Variants in KIF3B observed in about 807,000 individuals in gnomAD.
KIF3B encodes kinesin family member 3B, also known as kinesin-like protein KIF3B.
KIF3B carries 38 observed loss-of-function variants against 74.3 expected under a neutral mutation model. The ratio of observed to expected loss-of-function variants is 0.51; its 90% CI spans 0.39 to 0.67. KIF3B has a LOEUF of 0.67. Among genes scored for constraint, KIF3B ranks in the 30% least tolerant of loss-of-function variants. The probability of loss-of-function intolerance (pLI) is 0.00; values close to 1 mark genes in which losing one functional copy is unlikely to be tolerated. For synonymous variants in KIF3B, 326 were observed against 342.5 expected (o/e 0.95, Z 0.53); for missense variants, 649 against 932.0 (o/e 0.70, Z 3.95).
intron 7 of KIF3B, among the ~76,000 whole-genome samples, 160 bp downstream of exon 7, chr20:32,327,821 C>T (rs546291215): frequency 2.8e-4 from 42 of 152,182 alleles, no homozygotes; most frequent in African/African-American, 9.6e-4. Flanking sequence ...ATAAATAAGC[C>T]GAGCACAGTA....
chr20:32,287,015 T>C (rs986350266), intron 1 of KIF3B, among the ~76,000 whole-genome samples: 4 of 152,222 alleles, frequency 2.6e-5, no homozygotes, highest in Non-Finnish European at 1.5e-5. Flanking sequence ...AATTTACCCA[T>C]GGTGATGGTA....
rs2047933013 is a variant in KIF3B at position 32,332,045 on chromosome 20, A to G, written c.*726A>G. The stretch of plus-strand genomic sequence containing the variant: ...GGGAAATAGCTTCTTTAAAACCTCA[A>G]AACCATGACCATCCTGTCAAAGACC... On this transcript the variant is annotated 3_prime_UTR_variant, in exon 9 of 9. Transcript: ENST00000375712. The G allele has an allele frequency of 6.5e-6, 1 of 152,706 alleles. No individual in the cohort carries two copies. The highest frequency in any genetic ancestry group is 2.1e-4 in the South Asian group (1 of 4,832). 9.5% of individuals were successfully genotyped at this position (152,706 alleles called of 1,614,324 possible).
chr20:32,293,261 G>C (rs1217004278), intron 1 of KIF3B, among the ~76,000 whole-genome samples: 2 of 150,820 alleles, frequency 1.3e-5, no homozygotes, highest in African/African-American at 4.9e-5. Flanking sequence ...AAATAAATGA[G>C]TGAATGAATG....
At chr20:32,315,397 T>G (rs1216527139) in intron 2 of KIF3B, among the ~76,000 whole-genome samples, 2 of 152,198 alleles carry the variant, frequency 1.3e-5, no homozygotes, top group African/African-American at 4.8e-5. Flanking sequence ...AAGCTTTCTC[T>G]GACTCCCTCT....
chr20:32,310,409 A>G lies in KIF3B; in HGVS notation c.632A>G (p.His211Arg). ...RSVGATNMNE[H>R]SSRSHAIFVI... ...GTCGGTGCTACCAACATGAACGAGC[A>G]CAGCTCGCGTTCTCATGCAATTTTC... The change falls in exon 2 of 9, where the codon CAC becomes CGC. Residue 211 changes from histidine (H) to arginine (R), a missense_variant. His to Arg is a conservative substitution (Grantham distance 29). Around this residue, in one of 4 missense-constraint regions of KIF3B, gnomAD observed 363 missense variants for 592.8 expected, o/e 0.61. Coordinates refer to ENST00000375712, the MANE Select transcript of KIF3B (RefSeq NM_004798.4). This position sits in a 1 kb window ranked among gnomAD's most constrained non-coding sequence, Gnocchi z 6.5. 6.2e-7 allele frequency: 1 copy of G among 1,614,220 alleles called. No homozygotes were observed. The highest frequency in any genetic ancestry group is 8.5e-7 in the Non-Finnish European group (1 of 1,180,034).
chr20:32,326,817 A>T lies in KIF3B; in HGVS notation c.1795A>T (p.Ile599Phe). 1 of 1,592,754 alleles carries T rather than the reference A, an allele frequency of 6.3e-7. No individual in the cohort carries two copies. The change falls in exon 6 of 9, where the codon ATT becomes TTT. Residue 599 changes from isoleucine (I) to phenylalanine (F), a missense_variant. Physicochemically the swap from Ile to Phe is conservative, Grantham distance 21 (BLOSUM62 0). Coordinates refer to ENST00000375712, the MANE Select transcript of KIF3B (RefSeq NM_004798.4). ...NFIPLEEKSKIMNRAFFDEEE... is the reference protein window; with the variant it reads ...NFIPLEEKSKFMNRAFFDEEE... ...TATCCCTCTGGAAGAAAAAAGTAAA[A>T]TTATGAATAGAGCCTTCTTTGATGA...
chr20:32,314,577 T>G (rs941499437), intron 2 of KIF3B, among the ~76,000 whole-genome samples: 2 of 151,402 alleles, frequency 1.3e-5, no homozygotes, highest in Non-Finnish European at 2.9e-5. Context: ...TTAGGTATTG[T>G]TAGGTATGTA....
rs560381750 is a variant in KIF3B at position 32,277,763 on chromosome 20, C to T, written c.-68C>T. On this transcript the variant is annotated splice_region_variant and 5_prime_UTR_variant, in exon 1 of 9. Transcript: ENST00000375712. ...CGCCGCCCGCTTTCGGCTCGGGCCTCAGGTGAGTCGGAGGGGCCGGGCGCC... is the reference window on the plus strand; with the variant it reads ...CGCCGCCCGCTTTCGGCTCGGGCCTTAGGTGAGTCGGAGGGGCCGGGCGCC... 23 of 246,430 alleles carry T rather than the reference C, an allele frequency of 9.3e-5. No homozygotes were observed. In the South Asian group the frequency reaches 3.0e-3, roughly 33 times the overall value. The allele number at this position is 246,430 out of a possible 1,614,324, so 15.3% of individuals were successfully genotyped here.
In KIF3B at chr20:32,309,698, T is replaced by C. The variant is rs1263470282; in HGVS notation, c.-65-15T>C. ...ACAACGGTACTGTGCTTATTTACTT[T>C]TGCTTTTTCTCTAGGACCGTAGCAT... On this transcript the variant is annotated splice_polypyrimidine_tract_variant and intron_variant, in intron 1 of 8. Transcript: ENST00000375712. 2.0e-6 allele frequency: 3 copies of C among 1,498,104 alleles called. No homozygotes were observed. The highest frequency in any genetic ancestry group is 2.7e-6 in the Non-Finnish European group (3 of 1,114,504). 92.8% of individuals were successfully genotyped at this position (1,498,104 alleles called of 1,614,324 possible).
chr20:32,319,083 C>T (rs1439137519), intron 5 of KIF3B, among the ~76,000 whole-genome samples: 1 of 151,938 alleles, frequency 6.6e-6, no homozygotes, highest in Admixed American at 6.6e-5. Context: ...ACCTCAACCT[C>T]TGGAATAGCT....
At chr20:32,290,684 A>G (rs1292466529) in intron 1 of KIF3B, among the ~76,000 whole-genome samples, 1 of 152,152 alleles carries the variant, frequency 6.6e-6, no homozygotes, top group Non-Finnish European at 1.5e-5. Flanking sequence ...CAGCCTGGGC[A>G]ATATAGTGAG....
chr20:32,332,978 T>C lies in KIF3B; in HGVS notation c.*1659T>C, dbSNP rs921517891. 1.3e-5 allele frequency: 2 copies of C among 152,638 alleles called. No homozygotes were observed. The highest frequency in any genetic ancestry group is 4.8e-5 in the African/African-American group (2 of 41,434). The allele number at this position is 152,638 out of a possible 1,614,324, so 9.5% of individuals were successfully genotyped here. The stretch of plus-strand genomic sequence containing the variant: ...GCCTTGAGTTATATTTTAACTCAGC[T>C]GCTCAGTTCCCAGGGCACATTTCTG... On this transcript the variant is annotated 3_prime_UTR_variant, in exon 9 of 9. Coordinates refer to ENST00000375712, the MANE Select transcript of KIF3B (RefSeq NM_004798.4).
At position 32,332,127 on chromosome 20, in the gene KIF3B, C is replaced by T. The variant is rs1307595189; in HGVS notation, c.*808C>T. 6.5e-6 allele frequency: 1 copy of T among 152,696 alleles called. No individual in the cohort carries two copies. Among genetic ancestry groups the T allele is most frequent in the Non-Finnish European group, 1.5e-5 (1 of 68,098 alleles). 9.5% of individuals were successfully genotyped at this position (152,696 alleles called of 1,614,324 possible). A position where few individuals can be genotyped will look rare whatever the true frequency, so the allele number is the denominator to read the frequency against. The stretch of plus-strand genomic sequence containing the variant: ...CCATGTCACTTTACTCTTCATTTGT[C>T]ACCATCTTTTCCCATGCACGCATAC... On this transcript the variant is annotated 3_prime_UTR_variant, in exon 9 of 9. Coordinates refer to ENST00000375712, the MANE Select transcript of KIF3B (RefSeq NM_004798.4).
At chr20:32,297,364 T>C (rs1336350805) in intron 1 of KIF3B, among the ~76,000 whole-genome samples, 1 of 152,194 alleles carries the variant, frequency 6.6e-6, no homozygotes, top group Admixed American at 6.5e-5. Flanking sequence ...AGATACCACA[T>C]ACTCATTAAA....
Position 32,332,879 on chromosome 20 carries a change from C to G in KIF3B, c.*1560C>G, listed in dbSNP as rs539579591. The G allele has an allele frequency of 6.6e-6, 1 of 152,618 alleles. No individual in the cohort carries two copies. Among genetic ancestry groups the G allele is most frequent in the Non-Finnish European group, 1.5e-5 (1 of 68,036 alleles). The allele number at this position is 152,618 out of a possible 1,614,324, so 9.5% of individuals were successfully genotyped here. The stretch of plus-strand genomic sequence containing the variant: ...AGTCCATGAGCCAAGCCTGAGGGGA[C>G]AGTGAGTCTCCAGGTCTGCCACACT... On this transcript the variant is annotated 3_prime_UTR_variant, in exon 9 of 9. Coordinates refer to ENST00000375712, the MANE Select transcript of KIF3B (RefSeq NM_004798.4).
Position 32,316,289 on chromosome 20 carries a change from G to T in KIF3B, c.1476G>T (p.Leu492=). The T allele has an allele frequency of 6.2e-7, 1 of 1,613,564 alleles. No homozygotes were observed. Among genetic ancestry groups the T allele is most frequent in the Non-Finnish European group, 8.5e-7 (1 of 1,179,444 alleles). The change falls in exon 3 of 9, where the codon CTG becomes CTT. Residue 492 remains leucine, a synonymous_variant. Coordinates refer to ENST00000375712, the MANE Select transcript of KIF3B (RefSeq NM_004798.4). ...VDHTNEQQKI[L]EQKRQEIAEQ... is the part of the protein sequence containing the mutation. ...ATACGAATGAACAGCAGAAAATCCT[G>T]GAGCAGAAACGACAGGAAATTGCAG... is the stretch of plus-strand genomic sequence containing the variant.
Position 32,310,043 on chromosome 20 carries a change from A to G in KIF3B, c.266A>G (p.Asn89Ser), listed in dbSNP as rs1392533237. The change falls in exon 2 of 9, where the codon AAT (asparagine) becomes AGT (serine). Residue 89 changes from asparagine (N) to serine (S), a missense_variant. Asn to Ser is a conservative substitution (Grantham distance 46, BLOSUM62 1). Coordinates refer to ENST00000375712, the MANE Select transcript of KIF3B (RefSeq NM_004798.4). This position sits in a 1 kb window ranked among gnomAD's most constrained non-coding sequence, Gnocchi z 6.5. Reference protein sequence around the residue: ...PLVDSVLQGFNGTIFAYGQTG... With the variant: ...PLVDSVLQGFSGTIFAYGQTG... ...GTTGACTCTGTCCTGCAAGGTTTCA[A>G]TGGAACCATTTTTGCCTATGGACAA... 4 of 1,614,202 alleles carry G rather than the reference A, an allele frequency of 2.5e-6. No homozygotes were observed. The highest frequency in any genetic ancestry group is 1.3e-5 in the African/African-American group (1 of 75,054).
chr20:32,306,270 C>T (rs2047770633), intron 1 of KIF3B, among the ~76,000 whole-genome samples: 1 of 151,560 alleles, frequency 6.6e-6, no homozygotes, highest in African/African-American at 2.4e-5. Context: ...GTGGCATGTG[C>T]CTGTAATCCC....
intron 1 of KIF3B, among the ~76,000 whole-genome samples, chr20:32,292,423 C>T (rs2047696348): frequency 6.6e-6 from 1 of 151,536 alleles, no homozygotes; most frequent in African/African-American, 2.4e-5. Flanking sequence ...AAGCAAGACC[C>T]CCCCCAACTT....
Sources: allele counts gnomAD v4.1 joint callset (sites outside exome capture counted in the v4.1 genomes callset), GRCh38; gene constraint gnomAD v4.1.1; regional missense constraint gnomAD v4.1.1; non-coding constraint Gnocchi (gnomAD v3.1); transcripts MANE v1.5; gene names NCBI Gene and HGNC (gene_info 2026-07-23, HGNC 2026-07-21).